PODN: variants seen among roughly 807,000 people sequenced by gnomAD.
PODN encodes podocan.
PODN carries 40 observed loss-of-function variants against 52.7 expected under a neutral mutation model. That is an observed-to-expected ratio of 0.76 (90% CI 0.59 to 0.99). The LOEUF is 0.99. Among genes scored for constraint, PODN ranks in the 50% least tolerant of loss-of-function variants. PODN has a pLI of 0.00. For missense variants in PODN, 720 were observed against 815.1 expected (o/e 0.88, Z 1.42); for synonymous variants, 396 against 377.9 (o/e 1.05, Z -0.56).
chr1:53,076,192 G>A (rs1239839408), intron 5 of PODN, among the ~76,000 whole-genome samples: 1 of 152,216 alleles, frequency 6.6e-6, no homozygotes, highest in Non-Finnish European at 1.5e-5. Context: ...CAGTGAGGAT[G>A]TCCCCACTTT....
chr1:53,065,584 C>A (rs1644019942), intron 1 of PODN, among the ~76,000 whole-genome samples: 1 of 152,208 alleles, frequency 6.6e-6, no homozygotes, highest in Non-Finnish European at 1.5e-5. Context: ...GCCCCTTAGC[C>A]CTCACCTGTC....
At chr1:53,063,689 A>C (rs1031166526) in intron 1 of PODN, 3 of 548,538 alleles carry the variant, frequency 5.5e-6, no homozygotes, top group African/African-American at 2.1e-5. Flanking sequence ...GTGCAAGTTA[A>C]GAAATGTCAG....
At chr1:53,071,113 T>C (rs965473004) in intron 2 of PODN, 1 of 156,984 alleles carries the variant, frequency 6.4e-6, no homozygotes, top group African/African-American at 2.4e-5. Context: ...CTGGAGGAGG[T>C]GGTACCTGCC....
In PODN at chr1:53,075,859, C is replaced by A; in HGVS notation, c.472-3C>A. On this transcript the variant is annotated splice_polypyrimidine_tract_variant and splice_region_variant and intron_variant, in intron 4 of 10. Coordinates refer to ENST00000312553, the MANE Select transcript of PODN (RefSeq NM_153703.5). ...CTTTCGGCCCCAACTCTTCCCTTCC[C>A]AGCTGACCTTGGCACCCCGCTTCCT... 1.9e-6 allele frequency: 3 copies of A among 1,590,210 alleles called. No homozygotes were observed. The highest frequency in any genetic ancestry group is 4.5e-5 in the East Asian group (2 of 44,176).
intron 1 of PODN, among the ~76,000 whole-genome samples, chr1:53,064,787 C>T (rs979822180): frequency 6.6e-6 from 1 of 152,222 alleles, no homozygotes; most frequent in African/African-American, 2.4e-5. Flanking sequence ...GCTCCCAACT[C>T]CATTTCTTAG....
At chr1:53,081,832 G>GCT in intron 9 of PODN, 149 bp from the exon 10 acceptor site, 8 of 1,191,706 alleles carry the variant, frequency 6.7e-6, no homozygotes, top group Non-Finnish European at 8.0e-6. Flanking sequence ...CATGTACTGC[G>GCT]CTCTCAGCCC....
In PODN at chr1:53,066,953, G is replaced by A. The variant is rs551709741; in HGVS notation, c.-55-2848G>A. 150 of 1,367,972 alleles carry A rather than the reference G, an allele frequency of 1.1e-4. 4 individuals carry two copies. In the South Asian group the frequency reaches 1.7e-3, roughly 16 times the overall value. 84.7% of individuals were successfully genotyped at this position (1,367,972 alleles called of 1,614,324 possible). ...CTGCCCTGATTGAATTTGGGACCTG[G>A]GCCTGTGCCCACACTCTCGCTCTTA... On this transcript the variant is annotated intron_variant, in intron 1 of 10. Transcript: ENST00000312553.
Position 53,065,854 on chromosome 1 carries a change from C to T in PODN, c.-56+3546C>T, listed in dbSNP as rs578066832. On this transcript the variant is annotated intron_variant, in intron 1 of 10. Transcript: ENST00000312553. ...ACCCCCTTGCTTGTATGACCCTTTC[C>T]CTTTTGCCTGGTAGTCATCCCTTAG... Among the ~76,000 whole-genome samples the T allele has an allele frequency of 4.6e-5, 7 of 152,294 alleles. No homozygotes were observed. The East Asian group carries it at 1.4e-3, about 29-fold the overall frequency.
At chr1:53,076,057 A>C in intron 5 of PODN, 86 bp downstream of exon 5, 3 of 1,162,530 alleles carry the variant, frequency 2.6e-6, no homozygotes, top group Non-Finnish European at 3.7e-6. Context: ...AGGCAGAGAC[A>C]GGTCCCGAAG....
At chr1:53,064,928 C>T (rs529572146) in intron 1 of PODN, among the ~76,000 whole-genome samples, 127 of 152,350 alleles carry the variant, frequency 8.3e-4, no homozygotes, top group Non-Finnish European at 1.6e-3. Flanking sequence ...TGAGCTTCCC[C>T]GCTGTCCAGG....
Position 53,077,739 on chromosome 1 carries a change from CG to C in PODN, c.794del (p.Arg265ProfsTer10). ...PGAFSELSSL[R>X]ELYLQNNYLT... ...GGCCTTCAGCGAGCTGAGCAGCCTG[CG>C]CGAGCTATACCTGCAGAACAACTAC... On this transcript the variant is annotated frameshift_variant, in exon 7 of 11. Transcript: ENST00000312553. LOFTEE classifies it high-confidence loss of function. 1 of 1,613,716 alleles carries C rather than the reference CG, an allele frequency of 6.2e-7. No homozygotes were observed. The highest frequency in any genetic ancestry group is 8.5e-7 in the Non-Finnish European group (1 of 1,179,968).
intron 7 of PODN, 93 bp downstream of exon 7, chr1:53,077,893 C>A: frequency 1.0e-6 from 1 of 977,672 alleles, no homozygotes; most frequent in Non-Finnish European, 1.5e-6. Flanking sequence ...GCCCCTCACG[C>A]ACGTCCCCTG....
rs141359368 is a variant in PODN, at chr1:53,077,319, G to T, written c.711G>T (p.Pro237=). The part of the protein sequence containing the change: ...NFLRHVPKHL[P]PALYKLHLKN... Reference sequence around the variant, plus strand: ...TGCGCCACGTGCCCAAGCACCTGCCGCCTGCCCTGTACAAGCTGCACCTCA... The same window carrying T: ...TGCGCCACGTGCCCAAGCACCTGCCTCCTGCCCTGTACAAGCTGCACCTCA... Residue 237 remains proline (P), a synonymous_variant, in exon 6 of 11, where the codon CCG becomes CCT. Transcript: ENST00000312553. The T allele has an allele frequency of 1.2e-6, 2 of 1,613,114 alleles. No individual in the cohort carries two copies. The highest frequency in any genetic ancestry group is 2.7e-5 in the African/African-American group (2 of 74,946).
intron 1 of PODN, chr1:53,063,506 GGGCTCAT>G (rs1643990019): frequency 1.0e-6 from 1 of 985,422 alleles, no homozygotes; most frequent in African/African-American, 1.7e-5. Flanking sequence ...CGAGGCAGGA[GGGCTCAT>G]GGTGAGCAAG....
Position 53,078,841 on chromosome 1 carries a change from C to A in PODN, c.1331C>A (p.Thr444Lys). The A allele has an allele frequency of 6.2e-7, 1 of 1,612,748 alleles. No homozygotes were observed. Among genetic ancestry groups the A allele is most frequent in the Non-Finnish European group, 8.5e-7 (1 of 1,179,692 alleles). Residue 444 changes from threonine to lysine, a missense_variant, in exon 8 of 11, where the codon ACG becomes AAG. Coordinates refer to ENST00000312553, the MANE Select transcript of PODN (RefSeq NM_153703.5). ...GACCTGTCGGGCAACCGGCTGCACA[C>A]GCTGCCACCTGGGCTGCCTCGAAAT... The part of the protein sequence containing the change: ...SLDLSGNRLH[T>K]LPPGLPRNVH...
intron 7 of PODN, 68 bp from the exon 8 acceptor site, chr1:53,078,297 G>A (rs1644225932): frequency 1.4e-6 from 2 of 1,470,264 alleles, no homozygotes; most frequent in Admixed American, 3.7e-5. Context: ...CACATCTCTT[G>A]GGAATCATGG....
In PODN at chr1:53,070,016, T is replaced by C; in HGVS notation, c.161T>C (p.Leu54Pro). ...GCGGAGGAGGAGCCGGTGCTGGTAC[T>C]GAGCCCTGAGGAGCCCGGGCCTGGC... ...EFAEEEPVLV[L>P]SPEEPGPGPA... is the part of the protein sequence containing the mutation. Residue 54 changes from leucine (L) to proline (P), a missense_variant, in exon 2 of 11, where the codon CTG (leucine) becomes CCG (proline). Coordinates refer to ENST00000312553, the MANE Select transcript of PODN (RefSeq NM_153703.5). 6.2e-7 allele frequency: 1 copy of C among 1,612,838 alleles called. No individual in the cohort carries two copies. Among genetic ancestry groups the C allele is most frequent in the Non-Finnish European group, 8.5e-7 (1 of 1,179,888 alleles).
intron 1 of PODN, among the ~76,000 whole-genome samples, chr1:53,067,637 C>T: frequency 6.6e-6 from 1 of 152,100 alleles, no homozygotes; most frequent in East Asian, 1.9e-4. Flanking sequence ...AAACGAAGGT[C>T]CAGGCCAAGT....
intron 9 of PODN, 107 bp from the exon 10 acceptor site, chr1:53,081,874 G>A (rs1046918325): frequency 9.5e-6 from 14 of 1,481,408 alleles, no homozygotes; most frequent in African/African-American, 1.4e-5. Flanking sequence ...ACCACTTTCC[G>A]GGAGGGCCAT....
Sources: gnomAD v4.1 joint callset for allele counts (sites outside exome capture counted in the v4.1 genomes callset) on GRCh38, gnomAD v4.1.1 for gene constraint, MANE v1.5 for transcripts, NCBI Gene and HGNC (gene_info 2026-07-23, HGNC 2026-07-21) for gene names.